PPARGC1A: variants seen among roughly 807,000 people sequenced by gnomAD.
The protein encoded by PPARGC1A is peroxisome proliferator-activated receptor gamma coactivator 1-alpha.
Under a neutral mutation model 88.7 loss-of-function variants are expected in PPARGC1A, and 25 were observed. The observed-to-expected ratio is 0.28, with a 90% CI of 0.21 to 0.39. The LOEUF is 0.39. Ranked by LOEUF, PPARGC1A falls within the 10% of genes least tolerant of loss-of-function variation. PPARGC1A has a pLI of 1.00. For missense variants in PPARGC1A, 880 were observed against 968.7 expected (o/e 0.91, Z 1.22); for synonymous variants, 363 against 355.6 (o/e 1.02, Z -0.24).
the PPARGC1A span, among the ~76,000 whole-genome samples, chr4:24,456,208 T>C: frequency 6.6e-6 from 1 of 152,130 alleles, no homozygotes; most frequent in Non-Finnish European, 1.5e-5. Flanking sequence ...TTTTATTGAG[T>C]CATAAAGCTG....
chr4:24,083,704 CT>C, the PPARGC1A span, among the ~76,000 whole-genome samples: 3 of 152,174 alleles, frequency 2.0e-5, no homozygotes, highest in Non-Finnish European at 4.4e-5. Context: ...TCCTGATGCC[CT>C]GAGGCATAAT....
chr4:24,310,493 G>T, the PPARGC1A span, among the ~76,000 whole-genome samples: 1 of 152,162 alleles, frequency 6.6e-6, no homozygotes, highest in South Asian at 2.1e-4. Flanking sequence ...AAGAGAGAGA[G>T]AAAAAACTGT....
chr4:24,007,688 T>C, the PPARGC1A span, among the ~76,000 whole-genome samples: 71 of 152,078 alleles, frequency 4.7e-4, no homozygotes, highest in Middle Eastern at 3.4e-3. Flanking sequence ...AGATGTGAGA[T>C]GAGATAGGGA....
intron 12 of PPARGC1A, among the ~76,000 whole-genome samples, chr4:23,797,591 T>A (rs57180117): frequency 0.023 from 3,489 of 152,326 alleles, 62 homozygotes; most frequent in Non-Finnish European, 0.039. Context: ...TGTTTCTGTA[T>A]TTTATTAGCA....
chr4:24,256,640 G>A, the PPARGC1A span, among the ~76,000 whole-genome samples: 1 of 152,142 alleles, frequency 6.6e-6, no homozygotes, highest in East Asian at 1.9e-4. Context: ...CGAATTAGTA[G>A]GCTACTGCTG....
chr4:24,325,799 A>G, the PPARGC1A span, among the ~76,000 whole-genome samples: 158 of 152,160 alleles, frequency 1.0e-3, no homozygotes, highest in Non-Finnish European at 1.0e-3. Flanking sequence ...CCCACTCCAC[A>G]TTACCTTCTT....
At chr4:23,933,132 A>AT in the PPARGC1A span, among the ~76,000 whole-genome samples, 26 of 151,840 alleles carry the variant, frequency 1.7e-4, 1 homozygote, top group East Asian at 9.7e-4. Flanking sequence ...AGCTCTGTGA[A>AT]TTTTTTTTTA....
At chr4:23,825,250 C>G (rs887656544) in intron 5 of PPARGC1A, 1 of 152,010 alleles carries the variant, frequency 6.6e-6, no homozygotes, top group Admixed American at 6.6e-5. Context: ...CTGTGGCAAT[C>G]TTGTATTTTG....
chr4:24,374,657 A>C, the PPARGC1A span, among the ~76,000 whole-genome samples: 1 of 152,120 alleles, frequency 6.6e-6, no homozygotes, highest in Non-Finnish European at 1.5e-5. Flanking sequence ...AGTATCACTG[A>C]GTCATCAGGG....
chr4:24,446,753 C>T, the PPARGC1A span, among the ~76,000 whole-genome samples: 7 of 152,104 alleles, frequency 4.6e-5, no homozygotes, highest in South Asian at 2.1e-4. Context: ...CCTGCTACCA[C>T]GCCTGGCTAA....
At chr4:24,466,040 T>C in the PPARGC1A span, among the ~76,000 whole-genome samples, 4 of 152,196 alleles carry the variant, frequency 2.6e-5, no homozygotes, top group Admixed American at 6.5e-5. Flanking sequence ...TTATTGATAT[T>C]CATGTACATT....
At chr4:24,064,653 C>T in the PPARGC1A span, among the ~76,000 whole-genome samples, 1 of 152,072 alleles carries the variant, frequency 6.6e-6, no homozygotes, top group African/African-American at 2.4e-5. Flanking sequence ...CCCCCAGCAG[C>T]CCCTTGTCCT....
At chr4:24,002,786 G>T in the PPARGC1A span, among the ~76,000 whole-genome samples, 4 of 152,086 alleles carry the variant, frequency 2.6e-5, no homozygotes, top group Admixed American at 6.6e-5. Flanking sequence ...TTCACTGTTT[G>T]GATTCAGCTA....
chr4:24,410,067 T>C, the PPARGC1A span, among the ~76,000 whole-genome samples: 1 of 152,170 alleles, frequency 6.6e-6, no homozygotes, highest in Non-Finnish European at 1.5e-5. Context: ...CAGCTCTATG[T>C]AGTGAGTTTG....
the PPARGC1A span, among the ~76,000 whole-genome samples, chr4:24,436,742 G>C: frequency 1.4e-5 from 2 of 139,804 alleles, no homozygotes; most frequent in Non-Finnish European, 3.1e-5. Context: ...CCAGAGCCCG[G>C]GTCACAGAGC....
chr4:24,182,527 T>C, the PPARGC1A span, among the ~76,000 whole-genome samples: 9 of 152,328 alleles, frequency 5.9e-5, no homozygotes, highest in African/African-American at 2.2e-4. Flanking sequence ...ATGGGATTGC[T>C]GGGTCAAATG....
chr4:24,162,755 C>T, the PPARGC1A span, among the ~76,000 whole-genome samples: 1 of 151,846 alleles, frequency 6.6e-6, no homozygotes. Context: ...CCATGCCCAT[C>T]TAATTTTTGT....
chr4:24,380,146 AG>A, the PPARGC1A span, among the ~76,000 whole-genome samples: 1 of 152,168 alleles, frequency 6.6e-6, no homozygotes, highest in African/African-American at 2.4e-5. Flanking sequence ...TGTTATTTAA[AG>A]GGAAACAAAA....
chr4:24,259,088 T>C, the PPARGC1A span, among the ~76,000 whole-genome samples: 3 of 152,142 alleles, frequency 2.0e-5, no homozygotes, highest in African/African-American at 7.2e-5. Flanking sequence ...TAGACACCAA[T>C]CCCAGAAAGA....
Sources: gnomAD v4.1 joint callset for allele counts (sites outside exome capture counted in the v4.1 genomes callset) on GRCh38, gnomAD v4.1.1 for gene constraint, MANE v1.5 for transcripts, NCBI Gene and HGNC (gene_info 2026-07-23, HGNC 2026-07-21) for gene names.